Variants in WNT6 observed in about 807,000 individuals in gnomAD.
The protein encoded by WNT6 is protein Wnt-6.
A neutral mutation model predicts 33.1 loss-of-function variants in WNT6; 27 were observed. That is an observed-to-expected ratio of 0.82 (90% confidence interval 0.60 to 1.12). The LOEUF (loss-of-function observed/expected upper bound fraction) is 1.12, where lower values mean the gene tolerates loss of function less well. WNT6 is among the 50% of genes most tolerant of loss of function. WNT6 has a pLI of 0.00. For synonymous variants in WNT6, 249 were observed against 242.8 expected (o/e 1.03, Z -0.24); for missense variants, 494 against 535.3 (o/e 0.92, Z 0.76).
chr2:218,859,880 T>C lies in WNT6; in HGVS notation c.-158T>C. The C allele has an allele frequency of 2.9e-6, 1 of 343,014 alleles. No individual in the cohort carries two copies. Among genetic ancestry groups the C allele is most frequent in the Non-Finnish European group, 4.4e-6 (1 of 229,638 alleles). 21.2% of individuals were successfully genotyped at this position (343,014 alleles called of 1,614,324 possible). ...GCTCTCCGCCTCCGCCGCGCCCTCC[T>C]CGCCCGGGATGGGCCCCCCCGCCGC... On this transcript the variant is annotated 5_prime_UTR_variant, in exon 1 of 4. Transcript: ENST00000233948.
In WNT6 at chr2:218,871,333, C is replaced by T. The variant is rs13003882; in HGVS notation, c.301+86C>T. ...AGGAGAACTGGTTCGCTGAAGTTGC[C>T]TGAGCCCCACTTCCCCCTCACATGT... On this transcript the variant is annotated intron_variant, in intron 2 of 3. Coordinates refer to ENST00000233948, the MANE Select transcript of WNT6 (RefSeq NM_006522.4). This position sits in a 1 kb window ranked among gnomAD's most constrained non-coding sequence, Gnocchi z 6.4. The T allele has an allele frequency of 3.6e-5, 54 of 1,507,664 alleles. No homozygotes were observed. In the African/African-American group the frequency reaches 6.7e-4, roughly 19 times the overall value. 93.4% of individuals were successfully genotyped at this position (1,507,664 alleles called of 1,614,324 possible).
Position 218,859,895 on chromosome 2 carries a change from C to G in WNT6, c.-143C>G. 3 of 491,622 alleles carry G rather than the reference C, an allele frequency of 6.1e-6. No individual in the cohort carries two copies. The highest frequency in any genetic ancestry group is 8.4e-6 in the Non-Finnish European group (3 of 358,890). The allele number at this position is 491,622 out of a possible 1,614,324, so 30.5% of individuals were successfully genotyped here. Reference sequence around the variant, plus strand: ...CGCGCCCTCCTCGCCCGGGATGGGCCCCCCCGCCGCCGCCGGATCCCTCGC... The same window carrying G: ...CGCGCCCTCCTCGCCCGGGATGGGCGCCCCCGCCGCCGCCGGATCCCTCGC... On this transcript the variant is annotated 5_prime_UTR_variant, in exon 1 of 4. Coordinates refer to ENST00000233948, the MANE Select transcript of WNT6 (RefSeq NM_006522.4).
chr2:218,859,872 C>A lies in WNT6; in HGVS notation c.-166C>A. 3.6e-6 allele frequency: 1 copy of A among 280,234 alleles called. No homozygotes were observed. Among genetic ancestry groups the A allele is most frequent in the Non-Finnish European group, 5.8e-6 (1 of 172,910 alleles). 17.4% of individuals were successfully genotyped at this position (280,234 alleles called of 1,614,324 possible). A position where few individuals can be genotyped will look rare whatever the true frequency, so the allele number is the denominator to read the frequency against. ...CCCCGTCCGCTCTCCGCCTCCGCCG[C>A]GCCCTCCTCGCCCGGGATGGGCCCC... On this transcript the variant is annotated 5_prime_UTR_variant, in exon 1 of 4. Coordinates refer to ENST00000233948, the MANE Select transcript of WNT6 (RefSeq NM_006522.4).
At chr2:218,872,989 G>C (rs1186019589) in intron 3 of WNT6, among the ~76,000 whole-genome samples, 1 of 152,098 alleles carries the variant, frequency 6.6e-6, no homozygotes, top group Non-Finnish European at 1.5e-5. Context: ...CCTGGGGGCC[G>C]TGAGGGGTAG....
chr2:218,872,961 C>T (rs1454496664), intron 3 of WNT6, among the ~76,000 whole-genome samples: 1 of 151,928 alleles, frequency 6.6e-6, no homozygotes, highest in Non-Finnish European at 1.5e-5. Flanking sequence ...GCTGGCTCTG[C>T]GTCTGTGCTC....
At chr2:218,863,316 G>C (rs969617359) in intron 1 of WNT6, among the ~76,000 whole-genome samples, 2 of 152,170 alleles carry the variant, frequency 1.3e-5, no homozygotes, top group African/African-American at 4.8e-5. Context: ...CAGAGCTCCA[G>C]TGCTGGCCAG....
Position 218,873,951 on chromosome 2 carries a change from C to G in WNT6, c.*106C>G. 1 of 1,172,186 alleles carries G rather than the reference C, an allele frequency of 8.5e-7. No homozygotes were observed. 72.6% of individuals were successfully genotyped at this position (1,172,186 alleles called of 1,614,324 possible). ...TCTCGCCGCTCGAGCCCAGCCTCTCCCTGCCAAAGCCCAACTCCCAGGGCT... is the reference window on the plus strand; with the variant it reads ...TCTCGCCGCTCGAGCCCAGCCTCTCGCTGCCAAAGCCCAACTCCCAGGGCT... On this transcript the variant is annotated 3_prime_UTR_variant, in exon 4 of 4. Transcript: ENST00000233948. This position sits in a 1 kb window ranked among gnomAD's most constrained non-coding sequence, Gnocchi z 6.1.
In WNT6 at chr2:218,867,771, C is replaced by G. The variant is rs1279129637; in HGVS notation, c.81-3256C>G. ...AAAGGCCTGAAAAGCAGAGTTCACT[C>G]CCTAAGGAAGCATAAAGCGAGGAAG... On this transcript the variant is annotated intron_variant, in intron 1 of 3. Coordinates refer to ENST00000233948, the MANE Select transcript of WNT6 (RefSeq NM_006522.4). The surrounding 1 kb of genome is among the most constrained non-coding windows in gnomAD (Gnocchi z 4.9). Among the ~76,000 whole-genome samples, 2 of 152,196 alleles carry G rather than the reference C, an allele frequency of 1.3e-5. No individual in the cohort carries two copies. Among genetic ancestry groups the G allele is most frequent in the Non-Finnish European group, 2.9e-5 (2 of 68,030 alleles).
chr2:218,873,740 G>A lies in WNT6; in HGVS notation c.993G>A (p.Gln331=), dbSNP rs1383551177. The change falls in exon 4 of 4, where the codon CAG becomes CAA. Residue 331 remains glutamine, a synonymous_variant. Transcript: ENST00000233948. The surrounding 1 kb of genome is among the most constrained non-coding windows in gnomAD (Gnocchi z 6.1). ...DLLCCGRGHR[Q]ESVQLEENCL... The stretch of plus-strand genomic sequence containing the variant: ...TGTGCTGCGGCCGCGGGCACCGCCA[G>A]GAGAGCGTGCAGCTCGAAGAGAACT... 3 of 1,580,428 alleles carry A rather than the reference G, an allele frequency of 1.9e-6. No individual in the cohort carries two copies. The highest frequency in any genetic ancestry group is 2.3e-5 in the East Asian group (1 of 43,274).
In WNT6 at chr2:218,873,735, CG is replaced by C; in HGVS notation, c.989del (p.Arg330ProfsTer20). 6.3e-7 allele frequency: 1 copy of C among 1,579,306 alleles called. No individual in the cohort carries two copies. The highest frequency in any genetic ancestry group is 8.6e-7 in the Non-Finnish European group (1 of 1,168,896). On this transcript the variant is annotated frameshift_variant, in exon 4 of 4. Transcript: ENST00000233948. LOFTEE classifies it high-confidence loss of function. The surrounding 1 kb of genome is among the most constrained non-coding windows in gnomAD (Gnocchi z 6.1). Reference sequence around the variant, plus strand: ...CCTGCTGTGCTGCGGCCGCGGGCACCGCCAGGAGAGCGTGCAGCTCGAAGAG... The same window carrying C: ...CCTGCTGTGCTGCGGCCGCGGGCACCCCAGGAGAGCGTGCAGCTCGAAGAG... The part of the protein sequence containing the change: ...CDLLCCGRGH[R>X]QESVQLEENC...
intron 1 of WNT6, among the ~76,000 whole-genome samples, chr2:218,865,455 T>C (rs897130694): frequency 2.0e-5 from 3 of 152,230 alleles, no homozygotes; most frequent in Non-Finnish European, 2.9e-5. Flanking sequence ...GCCCTCTGTT[T>C]AATCTAGAAA....
Position 218,871,276 on chromosome 2 carries a change from G to C in WNT6, c.301+29G>C. On this transcript the variant is annotated intron_variant, in intron 2 of 3. Transcript: ENST00000233948. The surrounding 1 kb of genome is among the most constrained non-coding windows in gnomAD (Gnocchi z 6.4). ...AGTGTGGGGAGGGGGCGGAAGTGGGGCTGCTTTCTCCCTGCTGTGGGACCC... is the reference window on the plus strand; with the variant it reads ...AGTGTGGGGAGGGGGCGGAAGTGGGCCTGCTTTCTCCCTGCTGTGGGACCC... 1 of 1,585,286 alleles carries C rather than the reference G, an allele frequency of 6.3e-7. No homozygotes were observed. Among genetic ancestry groups the C allele is most frequent in the Non-Finnish European group, 8.6e-7 (1 of 1,161,884 alleles).
rs182357538 is a variant in WNT6 at position 218,867,770 on chromosome 2, T to G, written c.81-3257T>G. Among the ~76,000 whole-genome samples, 3 of 152,254 alleles carry G rather than the reference T, an allele frequency of 2.0e-5. No homozygotes were observed. Among genetic ancestry groups the G allele is most frequent in the Admixed American group, 6.5e-5 (1 of 15,300 alleles). ...CAAAGGCCTGAAAAGCAGAGTTCAC[T>G]CCCTAAGGAAGCATAAAGCGAGGAA... On this transcript the variant is annotated intron_variant, in intron 1 of 3. Coordinates refer to ENST00000233948, the MANE Select transcript of WNT6 (RefSeq NM_006522.4). This position sits in a 1 kb window ranked among gnomAD's most constrained non-coding sequence, Gnocchi z 4.9.
intron 1 of WNT6, among the ~76,000 whole-genome samples, chr2:218,866,122 T>C (rs954109108): frequency 6.6e-6 from 1 of 152,040 alleles, no homozygotes; most frequent in Non-Finnish European, 1.5e-5. Flanking sequence ...AACATTTTTC[T>C]GCCCCTTCTC....
At position 218,871,288 on chromosome 2, in the gene WNT6, C is replaced by T; in HGVS notation, c.301+41C>T. On this transcript the variant is annotated intron_variant, in intron 2 of 3. Transcript: ENST00000233948. The surrounding 1 kb of genome is among the most constrained non-coding windows in gnomAD (Gnocchi z 6.4). ...GGGCGGAAGTGGGGCTGCTTTCTCC[C>T]TGCTGTGGGACCCGAGGAGAGGAGA... 1 of 1,575,016 alleles carries T rather than the reference C, an allele frequency of 6.3e-7. No individual in the cohort carries two copies. Among genetic ancestry groups the T allele is most frequent in the Non-Finnish European group, 8.7e-7 (1 of 1,155,738 alleles).
chr2:218,862,661 G>A (rs557162495), intron 1 of WNT6, among the ~76,000 whole-genome samples: 1 of 151,174 alleles, frequency 6.6e-6, no homozygotes, highest in Non-Finnish European at 1.5e-5. Flanking sequence ...GGGATTACAG[G>A]CCCAGCCATT....
At chr2:218,864,931 C>T (rs1006054933) in intron 1 of WNT6, among the ~76,000 whole-genome samples, 1 of 152,226 alleles carries the variant, frequency 6.6e-6, no homozygotes, top group Non-Finnish European at 1.5e-5. Flanking sequence ...CATCCATTCC[C>T]CCCTCCAGGC....
Position 218,873,411 on chromosome 2 carries a change from T to G in WNT6, c.664T>G (p.Cys222Gly). Residue 222 changes from cysteine to glycine, a missense_variant, in exon 4 of 4, where the codon TGC (cysteine) becomes GGC (glycine). Coordinates refer to ENST00000233948, the MANE Select transcript of WNT6 (RefSeq NM_006522.4). The surrounding 1 kb of genome is among the most constrained non-coding windows in gnomAD (Gnocchi z 6.1). ...LAVRSHTRTE[C>G]KCHGLSGSCA... ...CGTGCGGAGCCACACGCGCACCGAG[T>G]GCAAATGCCACGGGCTGTCGGGATC... 6.5e-7 allele frequency: 1 copy of G among 1,536,906 alleles called. No individual in the cohort carries two copies. The highest frequency in any genetic ancestry group is 8.7e-7 in the Non-Finnish European group (1 of 1,146,416).
chr2:218,864,793 C>T (rs1473896286), intron 1 of WNT6, among the ~76,000 whole-genome samples: 1 of 152,194 alleles, frequency 6.6e-6, no homozygotes, highest in Admixed American at 6.5e-5. Flanking sequence ...CTGCCACCCC[C>T]AACCCAGGCT....
Sources: allele counts gnomAD v4.1 joint callset (sites outside exome capture counted in the v4.1 genomes callset), GRCh38; gene constraint gnomAD v4.1.1; non-coding constraint Gnocchi (gnomAD v3.1); transcripts MANE v1.5; gene names NCBI Gene and HGNC (gene_info 2026-07-23, HGNC 2026-07-21).